PTPRD: variants seen among roughly 807,000 people sequenced by gnomAD.
The protein encoded by PTPRD is protein tyrosine phosphatase receptor type D.
A neutral mutation model predicts 214.5 loss-of-function variants in PTPRD; 34 were observed. The observed-to-expected ratio is 0.16, with a 90% CI of 0.12 to 0.21. PTPRD has a LOEUF of 0.21. Among genes scored for constraint, PTPRD ranks in the 10% least tolerant of loss-of-function variants. PTPRD has a pLI of 1.00. For synonymous variants in PTPRD, 1,128 were observed against 845.7 expected (o/e 1.33, Z -5.79); for missense variants, 2,545 against 2,398.7 (o/e 1.06, Z -1.27).
chr9:8,869,763 A>G (rs114883323), intron 11 of PTPRD, among the ~76,000 whole-genome samples: 1 of 150,002 alleles, frequency 6.7e-6, no homozygotes, highest in African/African-American at 2.4e-5. Flanking sequence ...AGGTGGCACC[A>G]TTTTACCTAA....
intron 2 of PTPRD, among the ~76,000 whole-genome samples, chr9:10,465,292 T>C (rs960996437): frequency 3.9e-5 from 6 of 152,156 alleles, no homozygotes; most frequent in Admixed American, 3.3e-4. Context: ...CCTGCCACAC[T>C]AGCCGCAACA....
intron 12 of PTPRD, among the ~76,000 whole-genome samples, chr9:8,657,164 C>CTT (rs749246223): frequency 9.3e-4 from 114 of 123,066 alleles, no homozygotes; most frequent in African/African-American, 1.4e-3. Context: ...CTTTTGCCCA[C>CTT]TTTTTTTTTT....
At chr9:9,422,172 G>C (rs141479883) in intron 8 of PTPRD, among the ~76,000 whole-genome samples, 2 of 152,186 alleles carry the variant, frequency 1.3e-5, no homozygotes, top group Non-Finnish European at 2.9e-5. Flanking sequence ...ACAAATATGT[G>C]AGATAAGTAC....
intron 7 of PTPRD, among the ~76,000 whole-genome samples, chr9:9,595,997 G>T (rs553115453): frequency 6.6e-6 from 1 of 151,780 alleles, no homozygotes; most frequent in Non-Finnish European, 1.5e-5. Context: ...TCCATCACAA[G>T]GGATTTTGCT....
intron 12 of PTPRD, among the ~76,000 whole-genome samples, chr9:8,680,375 G>A (rs1282662803): frequency 6.6e-6 from 1 of 152,016 alleles, no homozygotes; most frequent in Non-Finnish European, 1.5e-5. Flanking sequence ...AGAATAAAGG[G>A]CTACCACTCC....
chr9:10,407,369 C>T (rs776023014), intron 2 of PTPRD, among the ~76,000 whole-genome samples: 5 of 151,514 alleles, frequency 3.3e-5, no homozygotes, highest in South Asian at 4.1e-4. Context: ...AGAATATCCT[C>T]GTTTTCATCA....
At chr9:8,786,468 G>A (rs1464416971) in intron 11 of PTPRD, among the ~76,000 whole-genome samples, 1 of 141,986 alleles carries the variant, frequency 7.0e-6, no homozygotes, top group Non-Finnish European at 1.5e-5. Flanking sequence ...GGAGTGCAGT[G>A]GCTCCATCTC....
rs79012082 is a variant in PTPRD, at chr9:8,320,897, G to C, written c.5535-931C>G. ...ACAGTGAATAATCTGAAAAATCCCT[G>C]CATTTTTGGATCCTAATTAAACAGC... On this transcript the variant is annotated intron_variant, in intron 44 of 45. Transcript: ENST00000381196. Among the ~76,000 whole-genome samples the C allele has an allele frequency of 4.8e-3, 723 of 152,186 alleles. 7 individuals are homozygous for C. Among genetic ancestry groups the C allele is most frequent in the African/African-American group, 0.017 (691 of 41,550 alleles).
chr9:8,598,763 C>A (rs1594903829), intron 14 of PTPRD, among the ~76,000 whole-genome samples: 1 of 152,152 alleles, frequency 6.6e-6, no homozygotes, highest in Non-Finnish European at 1.5e-5. Flanking sequence ...AAACCACTGT[C>A]TGACCTTCTC....
rs751337528 is a variant in PTPRD, at chr9:8,404,552, G to C, written c.4195C>G (p.Leu1399Val). 3.4e-5 allele frequency: 55 copies of C among 1,612,258 alleles called. No individual in the cohort carries two copies. Among genetic ancestry groups the C allele is most frequent in the Non-Finnish European group, 4.6e-5 (54 of 1,178,696 alleles). Residue 1399 changes from leucine to valine, a missense_variant, in exon 36 of 46, where the codon CTA becomes GTA. Physicochemically the swap from Leu to Val is conservative, Grantham distance 32. Coordinates refer to ENST00000381196, the MANE Select transcript of PTPRD (RefSeq NM_002839.4). ...ATTTCCTTACCTTCTATAGCTGATA[G>C]GAGAACCCGGGAATGATCATATGCG... is the stretch of plus-strand genomic sequence containing the variant. ...VIAYDHSRVL[L>V]SAIEGIPGSD...
At chr9:10,239,630 C>T (rs560741915) in intron 3 of PTPRD, among the ~76,000 whole-genome samples, 32 of 151,612 alleles carry the variant, frequency 2.1e-4, no homozygotes, top group Admixed American at 2.0e-3. Flanking sequence ...TAATAATGAA[C>T]GTTTTATTAT....
chr9:9,616,147 G>A (rs559210586), intron 7 of PTPRD, among the ~76,000 whole-genome samples: 2 of 152,092 alleles, frequency 1.3e-5, no homozygotes, highest in Admixed American at 6.6e-5. Context: ...AGAAAGACAC[G>A]CTTCAGAAGA....
chr9:8,521,248 A>T lies in PTPRD; in HGVS notation c.961+29T>A, dbSNP rs1447178641. The T allele has an allele frequency of 3.1e-6, 5 of 1,589,558 alleles. No homozygotes were observed. The South Asian group carries it at 4.6e-5, about 15-fold the overall frequency. On this transcript the variant is annotated intron_variant, in intron 20 of 45. Coordinates refer to ENST00000381196, the MANE Select transcript of PTPRD (RefSeq NM_002839.4). ...AGTCACTTGGCTTGAGTGTACCCAG[A>T]TCCTCAAAGCATAATCCATTGAGCA...
At chr9:9,020,174 T>C (rs2099559160) in intron 10 of PTPRD, among the ~76,000 whole-genome samples, 1 of 152,198 alleles carries the variant, frequency 6.6e-6, no homozygotes. Flanking sequence ...TCAAATGGTA[T>C]GCTTTAATGC....
chr9:10,294,166 G>T (rs969566727), intron 3 of PTPRD, among the ~76,000 whole-genome samples: 11 of 151,872 alleles, frequency 7.2e-5, no homozygotes, highest in Non-Finnish European at 1.6e-4. Context: ...AGTAAACACT[G>T]CCCAAAAACC....
At chr9:8,366,802 C>G (rs545313563) in intron 39 of PTPRD, among the ~76,000 whole-genome samples, 2 of 152,288 alleles carry the variant, frequency 1.3e-5, no homozygotes, top group Admixed American at 6.5e-5. Flanking sequence ...AGTGTGAATA[C>G]GAAGCAATGT....
chr9:10,464,792 T>C (rs1481912067), intron 2 of PTPRD, among the ~76,000 whole-genome samples: 1 of 152,100 alleles, frequency 6.6e-6, no homozygotes, highest in Non-Finnish European at 1.5e-5. Context: ...GTAATGTCAG[T>C]AGGCTAAAAA....
At chr9:8,556,502 C>A (rs149832083) in intron 14 of PTPRD, among the ~76,000 whole-genome samples, 175 of 152,142 alleles carry the variant, frequency 1.2e-3, no homozygotes, top group Non-Finnish European at 1.9e-3. Context: ...GTGCTAAAAG[C>A]ACTTAATTAG....
chr9:8,780,131 A>G (rs2095637728), intron 11 of PTPRD, among the ~76,000 whole-genome samples: 1 of 152,202 alleles, frequency 6.6e-6, no homozygotes, highest in Non-Finnish European at 1.5e-5. Context: ...TTTTCCAAAC[A>G]AAAGGAAATA....
Sources: allele counts gnomAD v4.1 joint callset (sites outside exome capture counted in the v4.1 genomes callset), GRCh38; gene constraint gnomAD v4.1.1; transcripts MANE v1.5; gene names NCBI Gene and HGNC (gene_info 2026-07-23, HGNC 2026-07-21).